AGBL1: variants seen among roughly 807,000 people sequenced by gnomAD.
AGBL1 encodes AGBL carboxypeptidase 1.
In AGBL1, 130 loss-of-function variants were observed where a neutral mutation model predicts 118.9. The ratio of observed to expected loss-of-function variants is 1.09; its 90% CI spans 0.95 to 1.26. AGBL1 has a LOEUF of 1.26. Among genes scored for constraint, AGBL1 ranks in the 50% most tolerant of loss-of-function variants. The pLI, the probability that AGBL1 is intolerant of heterozygous loss-of-function variation, is 0.00. For missense variants in AGBL1, 1,584 were observed against 1,298.1 expected (o/e 1.22, Z -3.38); for synonymous variants, 555 against 478.9 (o/e 1.16, Z -2.08).
intron 17 of AGBL1, among the ~76,000 whole-genome samples, chr15:86,302,408 G>T (rs1019336415): frequency 1.3e-5 from 2 of 152,018 alleles, no homozygotes; most frequent in South Asian, 4.1e-4. Context: ...TATATGCAGA[G>T]AAATGGGGGC....
chr15:87,027,478 C>A (rs573537189), intron 24 of AGBL1, among the ~76,000 whole-genome samples: 41 of 37,700 alleles, frequency 1.1e-3, no homozygotes, highest in South Asian at 3.4e-3. Context: ...TTATATAATA[C>A]ATTATATAGA....
intron 22 of AGBL1, among the ~76,000 whole-genome samples, chr15:86,715,565 A>T (rs72763983): frequency 1.5e-4 from 23 of 152,282 alleles, no homozygotes; most frequent in African/African-American, 5.1e-4. Flanking sequence ...GGAATTGATA[A>T]TTTGGAATGA....
At chr15:86,345,905 CCTT>C (rs563514660) in intron 17 of AGBL1, among the ~76,000 whole-genome samples, 129 of 152,178 alleles carry the variant, frequency 8.5e-4, no homozygotes, top group Non-Finnish European at 1.6e-3. Flanking sequence ...TACTCCTTGG[CCTT>C]CTTCTTGCTG....
chr15:86,396,654 C>G lies in AGBL1; in HGVS notation c.2375-712C>G, dbSNP rs560376580. On this transcript the variant is annotated intron_variant, in intron 17 of 22. Transcript: ENST00000614907. ...GGAATGAGAGGGACCATCCCACCCACAGACTTTACGAATGAGGAGGGAAAG... is the reference window on the plus strand; with the variant it reads ...GGAATGAGAGGGACCATCCCACCCAGAGACTTTACGAATGAGGAGGGAAAG... 1.7e-4 allele frequency among the ~76,000 whole-genome samples: 26 copies of G among 152,306 alleles called. No individual in the cohort carries two copies. The East Asian group carries it at 4.8e-3, about 28-fold the overall frequency.
intron 23 of AGBL1, among the ~76,000 whole-genome samples, chr15:86,925,148 AGGAGGAGGAGGAGGAGGAG>A (rs2080520477): frequency 4.0e-5 from 5 of 124,868 alleles, no homozygotes; most frequent in African/African-American, 1.9e-4. Flanking sequence ...GAGGAAGAGG[AGGAGGAGGAGGAGGAGGAG>A]GAAGAGGAAG....
At chr15:86,331,994 A>T (rs117619880) in intron 17 of AGBL1, among the ~76,000 whole-genome samples, 1,899 of 152,308 alleles carry the variant, frequency 0.012, 24 homozygotes, top group South Asian at 0.018. Context: ...TGGATAAAAA[A>T]CCAAGACCCA....
chr15:86,778,403 A>C (rs534061832), intron 22 of AGBL1, among the ~76,000 whole-genome samples: 11 of 152,314 alleles, frequency 7.2e-5, no homozygotes, highest in African/African-American at 2.6e-4. Flanking sequence ...TGTCCTAATA[A>C]GACTGGGAGT....
In AGBL1 at chr15:86,523,236, T is replaced by C. The variant is rs1416976906; in HGVS notation, c.2685+297T>C. 3.9e-5 allele frequency among the ~76,000 whole-genome samples: 6 copies of C among 152,328 alleles called. No individual in the cohort carries two copies. In the East Asian group the frequency reaches 1.2e-3, roughly 29 times the overall value. On this transcript the variant is annotated intron_variant, in intron 19 of 22. Coordinates refer to ENST00000614907, the MANE Select transcript of AGBL1 (RefSeq NM_001386094.1). ...GGCTCTAAGGAATAATCCTTCTTTG[T>C]CTGTTCCAGCTTCTGGTGGTTGCTA...
chr15:86,707,459 G>C (rs935199744), intron 22 of AGBL1, among the ~76,000 whole-genome samples: 4 of 152,180 alleles, frequency 2.6e-5, no homozygotes, highest in Admixed American at 2.6e-4. Flanking sequence ...GCTCTGTAGA[G>C]AGAGAGCATT....
intron 1 of AGBL1, among the ~76,000 whole-genome samples, chr15:86,133,494 A>G (rs571088529): frequency 2.8e-4 from 43 of 152,250 alleles, no homozygotes; most frequent in Admixed American, 1.4e-3. Context: ...TCCCTCCCCA[A>G]CTAACTTCGA....
chr15:86,378,734 A>G (rs2081072224), intron 17 of AGBL1, among the ~76,000 whole-genome samples: 1 of 152,042 alleles, frequency 6.6e-6, no homozygotes, highest in Non-Finnish European at 1.5e-5. Flanking sequence ...TTGAGGCCAC[A>G]TGTAAGTAAC....
chr15:86,523,079 A>T, intron 19 of AGBL1, 140 bp downstream of exon 19: 1 of 1,016,986 alleles, frequency 9.8e-7, no homozygotes, highest in Non-Finnish European at 1.5e-6. Context: ...TGCATGGTGC[A>T]TTGACTTCCT....
chr15:86,625,891 C>T (rs2084879477), intron 21 of AGBL1, among the ~76,000 whole-genome samples: 1 of 152,078 alleles, frequency 6.6e-6, no homozygotes, highest in Non-Finnish European at 1.5e-5. Flanking sequence ...AAGCAAAGTA[C>T]TGCAGGATTC....
rs140972996 is a variant in AGBL1 at position 86,612,929 on chromosome 15, C to T, written c.2994+58392C>T. 2.2e-3 allele frequency among the ~76,000 whole-genome samples: 342 copies of T among 152,326 alleles called. 1 individual carries two copies. Among genetic ancestry groups the T allele is most frequent in the African/African-American group, 7.9e-3 (328 of 41,574 alleles). On this transcript the variant is annotated intron_variant, in intron 21 of 22. Transcript: ENST00000614907. The stretch of plus-strand genomic sequence containing the variant: ...TTCGACCAATTGACAATCAGGAAAT[C>T]TTTGACTCCACCTATGATCTGGAAG...
intron 22 of AGBL1, among the ~76,000 whole-genome samples, chr15:86,801,502 A>G (rs1443896704): frequency 6.6e-6 from 1 of 152,152 alleles, no homozygotes; most frequent in East Asian, 1.9e-4. Context: ...CTCATGTTAC[A>G]TCACACTTTA....
Position 86,909,701 on chromosome 15 carries a change from A to G in AGBL1, c.*2407A>G, listed in dbSNP as rs1164907221. The G allele has an allele frequency of 1.3e-5, 2 of 152,244 alleles. No homozygotes were observed. Among genetic ancestry groups the G allele is most frequent in the Non-Finnish European group, 2.9e-5 (2 of 68,044 alleles). 9.4% of individuals were successfully genotyped at this position (152,244 alleles called of 1,614,324 possible). A position where few individuals can be genotyped will look rare whatever the true frequency, so the allele number is the denominator to read the frequency against. ...TTTCCACTCTTAAATAAAGGCTAGC[A>G]TAATGGTGCTGATTTCTCTTTGCTT... is the stretch of plus-strand genomic sequence containing the variant. On this transcript the variant is annotated 3_prime_UTR_variant, in exon 23 of 23. Transcript: ENST00000614907.
chr15:86,629,030 G>GTAT (rs951326549), intron 21 of AGBL1, among the ~76,000 whole-genome samples: 92 of 152,162 alleles, frequency 6.0e-4, no homozygotes, highest in African/African-American at 2.1e-3. Context: ...CAAATTTCGA[G>GTAT]TATACCATAG....
intron 21 of AGBL1, among the ~76,000 whole-genome samples, chr15:86,608,026 G>C (rs1034647965): frequency 1.3e-5 from 2 of 152,076 alleles, no homozygotes; most frequent in Non-Finnish European, 2.9e-5. Context: ...TTCTTTCTGC[G>C]CCTGCATTTT....
At chr15:86,534,185 G>A (rs983442210) in intron 19 of AGBL1, among the ~76,000 whole-genome samples, 4 of 150,616 alleles carry the variant, frequency 2.7e-5, no homozygotes, top group African/African-American at 4.9e-5. Flanking sequence ...AGAAAGTAGA[G>A]TCAGGTCTAC....
Sources: gnomAD v4.1 joint callset for allele counts (sites outside exome capture counted in the v4.1 genomes callset) on GRCh38, gnomAD v4.1.1 for gene constraint, MANE v1.5 for transcripts, NCBI Gene and HGNC (gene_info 2026-07-23, HGNC 2026-07-21) for gene names.